The following TRIM67 variants were observed in gnomAD, a reference collection of about 807,000 sequenced individuals.
TRIM67 encodes the protein tripartite motif-containing protein 67.
In TRIM67, 39 loss-of-function variants were observed where a neutral mutation model predicts 71.0. The observed-to-expected ratio is 0.55, with a 90% CI of 0.43 to 0.72. TRIM67 has a LOEUF of 0.72. Ranked by LOEUF, TRIM67 falls within the 30% of genes least tolerant of loss-of-function variation. The pLI, the probability that TRIM67 is intolerant of heterozygous loss-of-function variation, is 0.00. For synonymous variants in TRIM67, 481 were observed against 473.9 expected (o/e 1.01, Z -0.19); for missense variants, 973 against 1,079.2 (o/e 0.90, Z 1.38).
At chr1:231,176,148 C>T (rs1016085508) in intron 1 of TRIM67, among the ~76,000 whole-genome samples, 1 of 152,182 alleles carries the variant, frequency 6.6e-6, no homozygotes, top group African/African-American at 2.4e-5. Flanking sequence ...ATTATCCAGT[C>T]AAAACAATCC....
chr1:231,187,580 T>A, intron 1 of TRIM67: 1 of 1,532,228 alleles, frequency 6.5e-7, no homozygotes, highest in Non-Finnish European at 8.7e-7. Flanking sequence ...CACAACCTCC[T>A]TTGTGCCCAA....
rs1684057754 is a variant in TRIM67 at position 231,217,997 on chromosome 1, A to G, written c.*2557A>G. On this transcript the variant is annotated 3_prime_UTR_variant, in exon 10 of 10. Coordinates refer to ENST00000366653, the MANE Select transcript of TRIM67 (RefSeq NM_001004342.5). ...TGACTCCTCCAGGAGCCCAGAAGCA[A>G]TACGGCCGATGCCAGGGACAGCATC... is the stretch of plus-strand genomic sequence containing the variant. The G allele has an allele frequency of 8.3e-7, 1 of 1,207,694 alleles. No homozygotes were observed. The highest frequency in any genetic ancestry group is 1.1e-6 in the Non-Finnish European group (1 of 950,190). The allele number at this position is 1,207,694 out of a possible 1,614,324, so 74.8% of individuals were successfully genotyped here. A position where few individuals can be genotyped will look rare whatever the true frequency, so the allele number is the denominator to read the frequency against.
intron 8 of TRIM67, among the ~76,000 whole-genome samples, chr1:231,212,048 C>T (rs1281265347): frequency 6.6e-6 from 1 of 152,158 alleles, no homozygotes; most frequent in Non-Finnish European, 1.5e-5. Flanking sequence ...AGCTAATGCT[C>T]AAAATTCTCT....
At chr1:231,213,126 A>G (rs559248232) in intron 8 of TRIM67, among the ~76,000 whole-genome samples, 2 of 152,320 alleles carry the variant, frequency 1.3e-5, no homozygotes, top group East Asian at 3.9e-4. Flanking sequence ...TCACTTGCCT[A>G]AAACAGAAAA....
chr1:231,209,468 C>T lies in TRIM67; in HGVS notation c.2123+218C>T, dbSNP rs115259226. Among the ~76,000 whole-genome samples, 1,139 of 152,350 alleles carry T rather than the reference C, an allele frequency of 7.5e-3. 3 individuals carry two copies. Among genetic ancestry groups the T allele is most frequent in the Non-Finnish European group, 0.013 (856 of 68,038 alleles). On this transcript the variant is annotated intron_variant, in intron 8 of 9. Coordinates refer to ENST00000366653, the MANE Select transcript of TRIM67 (RefSeq NM_001004342.5). This position sits in a 1 kb window ranked among gnomAD's most constrained non-coding sequence, Gnocchi z 4.1. ...GTATGTTATGGTGACTCTCACAGCA[C>T]CCGCACAGATGGGTCTCCCAAGTTA... is the stretch of plus-strand genomic sequence containing the variant.
In TRIM67 at chr1:231,207,316, C is replaced by T. The variant is rs145123462; in HGVS notation, c.1819+526C>T. ...CCCTACATTTGAGCCTTTCTCACAG[C>T]GGAAAAGTGCCCTTTAATCCCCAGC... On this transcript the variant is annotated intron_variant, in intron 7 of 9. Coordinates refer to ENST00000366653, the MANE Select transcript of TRIM67 (RefSeq NM_001004342.5). 1.2e-3 allele frequency among the ~76,000 whole-genome samples: 185 copies of T among 152,276 alleles called. 3 individuals are homozygous for T. The East Asian group carries it at 0.021, about 17-fold the overall frequency.
At chr1:231,211,077 T>C (rs1447930843) in intron 8 of TRIM67, among the ~76,000 whole-genome samples, 1 of 150,652 alleles carries the variant, frequency 6.6e-6, no homozygotes, top group Non-Finnish European at 1.5e-5. Context: ...AATATATATA[T>C]TAAAAAGCCT....
Position 231,216,243 on chromosome 1 carries a change from C to A in TRIM67, c.*803C>A. The A allele has an allele frequency of 1.0e-6, 1 of 969,276 alleles. No homozygotes were observed. Among genetic ancestry groups the A allele is most frequent in the South Asian group, 4.8e-5 (1 of 20,914 alleles). The allele number at this position is 969,276 out of a possible 1,614,324, so 60.0% of individuals were successfully genotyped here. A position where few individuals can be genotyped will look rare whatever the true frequency, so the allele number is the denominator to read the frequency against. On this transcript the variant is annotated 3_prime_UTR_variant, in exon 10 of 10. Transcript: ENST00000366653. ...TCTCTCTTACTTTCCTCCATCCCTG[C>A]CTCTTTCTTCCCTCTTTCGCTCTCT...
In TRIM67 at chr1:231,219,810, A is replaced by G. The variant is rs1363949332; in HGVS notation, c.*4370A>G. On this transcript the variant is annotated 3_prime_UTR_variant, in exon 10 of 10. Transcript: ENST00000366653. ...GCCGGTAGCTGTGTTTGTTGACCACATTCTTTGGCAGTTCCTCCCAGAAGA... is the reference window on the plus strand; with the variant it reads ...GCCGGTAGCTGTGTTTGTTGACCACGTTCTTTGGCAGTTCCTCCCAGAAGA... The G allele has an allele frequency of 2.4e-6, 3 of 1,273,186 alleles. No homozygotes were observed. The highest frequency in any genetic ancestry group is 1.3e-5 in the South Asian group (1 of 78,786). 78.9% of individuals were successfully genotyped at this position (1,273,186 alleles called of 1,614,324 possible).
At position 231,217,898 on chromosome 1, in the gene TRIM67, T is replaced by C. The variant is rs1684055998; in HGVS notation, c.*2458T>C. 1.6e-6 allele frequency: 2 copies of C among 1,288,508 alleles called. No homozygotes were observed. The highest frequency in any genetic ancestry group is 3.0e-5 in the African/African-American group (2 of 65,820). 79.8% of individuals were successfully genotyped at this position (1,288,508 alleles called of 1,614,324 possible). A position where few individuals can be genotyped will look rare whatever the true frequency, so the allele number is the denominator to read the frequency against. On this transcript the variant is annotated 3_prime_UTR_variant, in exon 10 of 10. Transcript: ENST00000366653. ...TCTTTCAGAAAAAAGTTCCCTGAAG[T>C]CCAGAGAGGTGCAGCCAGGACTCCC...
In TRIM67 at chr1:231,214,000, A is replaced by T. The variant is rs758498476; in HGVS notation, c.2286+23A>T. ...CAGGTACACACCTCCCCAGGGCCGG[A>T]CCTGGTCTGGCTGCTCCCAACTGTT... On this transcript the variant is annotated intron_variant, in intron 9 of 9. Coordinates refer to ENST00000366653, the MANE Select transcript of TRIM67 (RefSeq NM_001004342.5). 8 of 1,589,736 alleles carry T rather than the reference A, an allele frequency of 5.0e-6. No individual in the cohort carries two copies. The African/African-American group carries it at 9.4e-5, about 19-fold the overall frequency.
At chr1:231,179,375 T>C (rs1018477969) in intron 1 of TRIM67, among the ~76,000 whole-genome samples, 1 of 152,238 alleles carries the variant, frequency 6.6e-6, no homozygotes, top group Non-Finnish European at 1.5e-5. Context: ...CCTTAACCAA[T>C]TACATCTGTA....
In TRIM67 at chr1:231,199,183, G is replaced by A. The variant is rs756039869; in HGVS notation, c.1263+14G>A. On this transcript the variant is annotated intron_variant, in intron 3 of 9. Coordinates refer to ENST00000366653, the MANE Select transcript of TRIM67 (RefSeq NM_001004342.5). ...CACAAGTTGAAGGTAGGTACCTGGG[G>A]GACTGACACATTGAATCCCTGCCAC... 1.2e-6 allele frequency: 2 copies of A among 1,613,536 alleles called. No individual in the cohort carries two copies. The highest frequency in any genetic ancestry group is 1.1e-5 in the South Asian group (1 of 91,066).
chr1:231,208,964 G>T lies in TRIM67; in HGVS notation c.1837G>T (p.Asp613Tyr). Residue 613 changes from aspartate to tyrosine, a missense_variant, in exon 8 of 10, where the codon GAC becomes TAC. By Grantham distance (160) the Asp-to-Tyr change is radical. Transcript: ENST00000366653. ...CTTTTTAGTGGCCTGGTTCACATTTGACCCCAACTCTGGGCATCGGGACAT... is the reference window on the plus strand; with the variant it reads ...CTTTTTAGTGGCCTGGTTCACATTTTACCCCAACTCTGGGCATCGGGACAT... ...QTSDVAWFTF[D>Y]PNSGHRDIIL... is the part of the protein sequence containing the mutation. 1 of 1,588,766 alleles carries T rather than the reference G, an allele frequency of 6.3e-7. No homozygotes were observed. The highest frequency in any genetic ancestry group is 1.1e-5 in the South Asian group (1 of 88,492).
At chr1:231,169,993 C>CTCTTTTTTTTTTTTTTTTT (rs1558289994) in intron 1 of TRIM67, among the ~76,000 whole-genome samples, 1 of 136,136 alleles carries the variant, frequency 7.3e-6, no homozygotes, top group African/African-American at 3.2e-5. Context: ...TTCTTTCTCT[C>CTCTTTTTTTTTTTTTTTTT]TTTTTTTTTT....
At chr1:231,214,919 C>T (rs978500875) in intron 9 of TRIM67, among the ~76,000 whole-genome samples, 2 of 151,728 alleles carry the variant, frequency 1.3e-5, no homozygotes, top group Admixed American at 6.6e-5. Flanking sequence ...GGGGAATGAA[C>T]AAGACACCAT....
At chr1:231,195,123 G>A (rs564608343) in intron 1 of TRIM67, among the ~76,000 whole-genome samples, 1 of 152,308 alleles carries the variant, frequency 6.6e-6, no homozygotes, top group South Asian at 2.1e-4. Flanking sequence ...CGGGATAAGA[G>A]CCTTTTCTCA....
intron 1 of TRIM67, among the ~76,000 whole-genome samples, chr1:231,169,959 A>G (rs1312583595): frequency 7.0e-6 from 1 of 143,338 alleles, no homozygotes; most frequent in East Asian, 2.0e-4. Flanking sequence ...AGGGACCTTT[A>G]TGTTACACCT....
chr1:231,167,909 G>A (rs983307152), intron 1 of TRIM67, among the ~76,000 whole-genome samples: 1 of 151,870 alleles, frequency 6.6e-6, no homozygotes, highest in Non-Finnish European at 1.5e-5. Context: ...AGAACATGGA[G>A]TCATAGTTGC....
Sources: gnomAD v4.1 joint callset for allele counts (sites outside exome capture counted in the v4.1 genomes callset) on GRCh38, gnomAD v4.1.1 for gene constraint, Gnocchi (gnomAD v3.1) non-coding constraint, MANE v1.5 for transcripts, NCBI Gene and HGNC (gene_info 2026-07-23, HGNC 2026-07-21) for gene names.